The following PCDHGB2 variants were observed in gnomAD, a reference collection of about 807,000 sequenced individuals.
PCDHGB2 encodes protocadherin gamma subfamily B, 2, also known as protocadherin gamma-B2.
In PCDHGB2, 55 loss-of-function variants were observed where a neutral mutation model predicts 59.3. That is an observed-to-expected ratio of 0.93 (90% CI 0.75 to 1.16). The LOEUF (loss-of-function observed/expected upper bound fraction) is 1.16, where lower values mean the gene tolerates loss of function less well. Among genes scored for constraint, PCDHGB2 ranks in the 50% most tolerant of loss-of-function variants. PCDHGB2 has a pLI of 0.00. For missense variants in PCDHGB2, 1,228 were observed against 1,198.5 expected, an observed-to-expected ratio of 1.02 and a Z score of -0.36; for synonymous variants, 516 against 512.0, an observed-to-expected ratio of 1.01 and a Z score of -0.11.
In PCDHGB2 at chr5:141,485,441, A is replaced by G. The variant is rs1562105312; in HGVS notation, c.2422-9366A>G. ...CGGAGCCCTGCTCATCAAGAACCCA[A>G]TCGACCGAGAGGCACTGTGTGGGCT... On this transcript the variant is annotated intron_variant, in intron 1 of 3. Transcript: ENST00000522605. The surrounding 1 kb of genome is among the most constrained non-coding windows in gnomAD (Gnocchi z 5.7). 3 of 1,613,910 alleles carry G rather than the reference A, an allele frequency of 1.9e-6. No homozygotes were observed. Among genetic ancestry groups the G allele is most frequent in the South Asian group, 1.1e-5 (1 of 91,062 alleles).
chr5:141,365,077 G>C (rs1048742374), intron 1 of PCDHGB2: 1 of 1,613,842 alleles, frequency 6.2e-7, no homozygotes. Context: ...AGTACAGCGT[G>C]AGTGTTCCAG....
chr5:141,372,158 G>C, intron 1 of PCDHGB2: 2 of 1,613,800 alleles, frequency 1.2e-6, no homozygotes, highest in Non-Finnish European at 1.7e-6. Context: ...GCTACCTGGT[G>C]ACCAAGGTGG....
At chr5:141,428,147 G>T (rs771536400) in intron 1 of PCDHGB2, 1 of 1,589,612 alleles carries the variant, frequency 6.3e-7, no homozygotes, top group South Asian at 1.1e-5. Flanking sequence ...GGCTGCACAC[G>T]GGAACCTGCT....
At chr5:141,478,493 G>A in intron 1 of PCDHGB2, 1 of 1,613,176 alleles carries the variant, frequency 6.2e-7, no homozygotes, top group Non-Finnish European at 8.5e-7. Flanking sequence ...GCGGAGCTGT[G>A]ATCCGGTGTT....
chr5:141,494,914 A>G (rs906245656), intron 2 of PCDHGB2, 49 bp downstream of exon 2: 5 of 1,613,708 alleles, frequency 3.1e-6, no homozygotes, highest in Admixed American at 1.7e-5. Context: ...GCATTTTCTC[A>G]GGGATGACGT....
intron 1 of PCDHGB2, chr5:141,403,461 A>G (rs2094410364): frequency 6.2e-7 from 1 of 1,614,010 alleles, no homozygotes; most frequent in Non-Finnish European, 8.5e-7. Context: ...CTCCAGAGCT[A>G]CCAGCTCAGC....
At chr5:141,384,046 A>T (rs372405767) in intron 1 of PCDHGB2, 1 of 1,612,316 alleles carries the variant, frequency 6.2e-7, no homozygotes, top group Admixed American at 1.7e-5. Context: ...TGGTGAGGTG[A>T]CCTGCACCAT....
intron 1 of PCDHGB2, among the ~76,000 whole-genome samples, chr5:141,453,823 G>A (rs2154564414): frequency 6.6e-6 from 1 of 152,250 alleles, no homozygotes; most frequent in South Asian, 2.1e-4. Flanking sequence ...GACAAACTTG[G>A]CTGCTAGCCC....
intron 1 of PCDHGB2, among the ~76,000 whole-genome samples, chr5:141,406,535 G>A (rs2094820779): frequency 6.6e-6 from 1 of 152,168 alleles, no homozygotes; most frequent in South Asian, 2.1e-4. Context: ...TTCTGACGAA[G>A]ATTCAAACTT....
chr5:141,365,925 T>C (rs766503118), intron 1 of PCDHGB2: 3 of 1,614,168 alleles, frequency 1.9e-6, no homozygotes, highest in Non-Finnish European at 2.5e-6. Flanking sequence ...CAGTTGTGGG[T>C]GACAGCCAGC....
chr5:141,388,226 G>A, intron 1 of PCDHGB2: 1 of 1,605,056 alleles, frequency 6.2e-7, no homozygotes, highest in Non-Finnish European at 8.5e-7. Flanking sequence ...AAAATCCACT[G>A]AACTTTTATC....
At chr5:141,426,116 G>A (rs1324245739) in intron 1 of PCDHGB2, among the ~76,000 whole-genome samples, 3 of 152,232 alleles carry the variant, frequency 2.0e-5, no homozygotes, top group African/African-American at 7.2e-5. Context: ...AAGCAAGTCG[G>A]AGAGTGGCCA....
At chr5:141,497,060 G>T (rs1244885752) in intron 2 of PCDHGB2, among the ~76,000 whole-genome samples, 1 of 151,952 alleles carries the variant, frequency 6.6e-6, no homozygotes, top group Non-Finnish European at 1.5e-5. Context: ...GTGGTGGCAG[G>T]CACCTGTAAT....
chr5:141,367,688 C>G (rs1765290329), intron 1 of PCDHGB2: 1 of 152,096 alleles, frequency 6.6e-6, no homozygotes, highest in Admixed American at 6.5e-5. Flanking sequence ...GAGAAGAAAT[C>G]AGTGTAAAGG....
rs191053275 is a variant in PCDHGB2, at chr5:141,384,800, A to T, written c.2421+22244A>T. 1,106 of 1,613,428 alleles carry T rather than the reference A, an allele frequency of 6.9e-4. 2 individuals are homozygous for T. In the Middle Eastern group the frequency reaches 0.018, roughly 27 times the overall value. ...GTGCGCACGGCTCGGGCCCTGCTGGACAGAGATGCCCTCAAGCAGAGCCTC... is the reference window on the plus strand; with the variant it reads ...GTGCGCACGGCTCGGGCCCTGCTGGTCAGAGATGCCCTCAAGCAGAGCCTC... On this transcript the variant is annotated intron_variant, in intron 1 of 3. Transcript: ENST00000522605.
intron 1 of PCDHGB2, among the ~76,000 whole-genome samples, chr5:141,407,428 G>A (rs1211459456): frequency 6.6e-6 from 1 of 151,524 alleles, no homozygotes; most frequent in Non-Finnish European, 1.5e-5. Context: ...AATGTCTCTT[G>A]CCCTTAAAAC....
chr5:141,419,108 G>C (rs1449189374), intron 1 of PCDHGB2: 2 of 1,613,792 alleles, frequency 1.2e-6, no homozygotes, highest in African/African-American at 1.3e-5. Flanking sequence ...GCAGACCCCA[G>C]AGTACAACGT....
intron 1 of PCDHGB2, chr5:141,410,447 C>T (rs760711107): frequency 3.1e-6 from 5 of 1,613,984 alleles, no homozygotes; most frequent in African/African-American, 2.7e-5. Context: ...GGGGACTTTG[C>T]CTTATTCTTA....
At chr5:141,404,169 C>G in intron 1 of PCDHGB2, 4 of 1,612,736 alleles carry the variant, frequency 2.5e-6, no homozygotes, top group Non-Finnish European at 3.4e-6. Flanking sequence ...AGATTGTTGA[C>G]GGCCCAAATT....
Sources: allele counts gnomAD v4.1 joint callset (sites outside exome capture counted in the v4.1 genomes callset), GRCh38; gene constraint gnomAD v4.1.1; non-coding constraint Gnocchi (gnomAD v3.1); transcripts MANE v1.5; gene names NCBI Gene and HGNC (gene_info 2026-07-23, HGNC 2026-07-21).